ANKRD31: variants seen among roughly 807,000 people sequenced by gnomAD.
The protein encoded by ANKRD31 is ankyrin repeat domain 31.
A neutral mutation model predicts 186.0 loss-of-function variants in ANKRD31; 147 were observed. That is an observed-to-expected ratio of 0.79 (90% CI 0.69 to 0.91). ANKRD31 has a LOEUF of 0.91. Ranked by LOEUF, ANKRD31 falls within the 40% of genes least tolerant of loss-of-function variation. The pLI is 0.00. For synonymous variants in ANKRD31, 673 were observed against 736.4 expected (o/e 0.91, Z 1.39); for missense variants, 1,986 against 2,148.8 (o/e 0.92, Z 1.50).
At chr5:75,230,321 T>C (rs1245553598) in intron 2 of ANKRD31, among the ~76,000 whole-genome samples, 1 of 152,236 alleles carries the variant, frequency 6.6e-6, no homozygotes, top group Non-Finnish European at 1.5e-5. Context: ...AGCTCACATT[T>C]ATTTCAATGT....
At chr5:75,157,117 T>C (rs1283168100) in intron 11 of ANKRD31, among the ~76,000 whole-genome samples, 1 of 152,148 alleles carries the variant, frequency 6.6e-6, no homozygotes, top group South Asian at 2.1e-4. Flanking sequence ...AGGAGCATAT[T>C]AGAGAGAACC....
intron 19 of ANKRD31, among the ~76,000 whole-genome samples, chr5:75,115,462 T>G (rs1175655612): frequency 6.6e-6 from 1 of 151,336 alleles, no homozygotes. Context: ...ACCATCAGAG[T>G]GAACAGGCAA....
intron 2 of ANKRD31, among the ~76,000 whole-genome samples, chr5:75,223,729 A>T (rs1296512400): frequency 2.0e-5 from 3 of 152,180 alleles, no homozygotes; most frequent in Non-Finnish European, 4.4e-5. Flanking sequence ...TCATATGCTG[A>T]TGCCCTAACC....
At chr5:75,145,740 TAA>T (rs55908528) in intron 14 of ANKRD31, among the ~76,000 whole-genome samples, 5 of 151,682 alleles carry the variant, frequency 3.3e-5, no homozygotes, top group Admixed American at 2.0e-4. Context: ...ATAATAATTA[TAA>T]AAAAAACTAC....
intron 10 of ANKRD31, among the ~76,000 whole-genome samples, chr5:75,171,366 C>G (rs929670411): frequency 6.6e-6 from 1 of 151,804 alleles, no homozygotes; most frequent in Non-Finnish European, 1.5e-5. Flanking sequence ...CTAATATAAT[C>G]ACTGGATCAA....
chr5:75,153,171 T>C (rs1751952302), intron 12 of ANKRD31, among the ~76,000 whole-genome samples: 1 of 152,062 alleles, frequency 6.6e-6, no homozygotes, highest in Admixed American at 6.6e-5. Flanking sequence ...CCAGCAATGA[T>C]CTGAGTTTTG....
At chr5:75,188,388 G>C (rs1754876028) in intron 10 of ANKRD31, 105 bp downstream of exon 10, 1 of 1,131,340 alleles carries the variant, frequency 8.8e-7, no homozygotes, top group Non-Finnish European at 1.2e-6. Context: ...AAAGCCTTCT[G>C]TTTGGAACTT....
chr5:75,171,335 C>A (rs1027337268), intron 10 of ANKRD31, among the ~76,000 whole-genome samples: 1 of 151,856 alleles, frequency 6.6e-6, no homozygotes, highest in Non-Finnish European at 1.5e-5. Flanking sequence ...AATCCCCAAA[C>A]ATTTTAAAAT....
At chr5:75,156,308 T>C (rs1203007390) in intron 11 of ANKRD31, among the ~76,000 whole-genome samples, 1 of 152,188 alleles carries the variant, frequency 6.6e-6, no homozygotes, top group Admixed American at 6.5e-5. Flanking sequence ...TTAATCACTT[T>C]GTACTCTGAG....
chr5:75,178,204 C>A (rs192538028), intron 10 of ANKRD31, among the ~76,000 whole-genome samples: 143 of 152,298 alleles, frequency 9.4e-4, no homozygotes, highest in Middle Eastern at 3.4e-3. Context: ...TATATATGCA[C>A]CCAATACAGG....
Position 75,213,639 on chromosome 5 carries a change from C to A in ANKRD31, c.289-2774G>T, listed in dbSNP as rs557056904. Among the ~76,000 whole-genome samples, 90 of 152,254 alleles carry A rather than the reference C, an allele frequency of 5.9e-4. 1 individual carries two copies. The highest frequency in any genetic ancestry group is 2.1e-3 in the African/African-American group (86 of 41,546). The stretch of plus-strand genomic sequence containing the variant: ...TATCTTTTTAATACATGTGACTGAA[C>A]CTTCCCCTGTCTTTACCCCACTGCA... On this transcript the variant is annotated intron_variant, in intron 3 of 25. Coordinates refer to ENST00000506364, the MANE Select transcript of ANKRD31 (RefSeq NM_001372053.1).
chr5:75,236,463 G>A (rs1318854667), intron 1 of ANKRD31, 120 bp downstream of exon 1: 1 of 806,096 alleles, frequency 1.2e-6, no homozygotes, highest in Non-Finnish European at 1.9e-6. Flanking sequence ...ACAAGGCTCT[G>A]ATCCTGCCCA....
Position 75,195,939 on chromosome 5 carries a change from C to T in ANKRD31, c.709G>A (p.Glu237Lys). The change falls in exon 7 of 26, where the codon GAA becomes AAA. Residue 237 changes from glutamate (E) to lysine (K), a missense_variant. Physicochemically the swap from Glu to Lys is moderately conservative, Grantham distance 56. Transcript: ENST00000506364. The stretch of plus-strand genomic sequence containing the variant: ...TCACTTACTAATTCAAACAATCTTT[C>T]CTCCTGGGTGCTTTCTGGTGATGTA... ...LLTSPESTQE[E>K]RLFELVSDFD... 2.0e-6 allele frequency: 3 copies of T among 1,534,386 alleles called. No individual in the cohort carries two copies. Among genetic ancestry groups the T allele is most frequent in the Non-Finnish European group, 2.6e-6 (3 of 1,145,372 alleles).
intron 10 of ANKRD31, among the ~76,000 whole-genome samples, chr5:75,177,129 A>G (rs1254741002): frequency 6.6e-6 from 1 of 152,244 alleles, no homozygotes; most frequent in Non-Finnish European, 1.5e-5. Flanking sequence ...AAGAAAGGGT[A>G]TCAGCGATGG....
At chr5:75,098,013 C>A (rs1255307841) in intron 22 of ANKRD31, among the ~76,000 whole-genome samples, 2 of 151,458 alleles carry the variant, frequency 1.3e-5, no homozygotes, top group Admixed American at 6.6e-5. Context: ...TTCCATTGGT[C>A]GTCTATATCT....
At chr5:75,094,630 G>T (rs1488790474) in intron 22 of ANKRD31, among the ~76,000 whole-genome samples, 1 of 152,016 alleles carries the variant, frequency 6.6e-6, no homozygotes. Flanking sequence ...GGAACAAAAA[G>T]ATATGAGGTA....
At chr5:75,184,399 T>C (rs369182032) in intron 10 of ANKRD31, among the ~76,000 whole-genome samples, 1 of 152,100 alleles carries the variant, frequency 6.6e-6, no homozygotes, top group East Asian at 1.9e-4. Flanking sequence ...CAAATGAGAT[T>C]ACATCAAACT....
Position 75,222,376 on chromosome 5 carries a change from C to A in ANKRD31, c.179-18G>T. ...AGGCATGCCTAGAGTGAAACATAAT[C>A]ATAAATCATTTACAACAGTTTTATT... On this transcript the variant is annotated intron_variant, in intron 2 of 25. Transcript: ENST00000506364. 5 of 1,507,406 alleles carry A rather than the reference C, an allele frequency of 3.3e-6. No homozygotes were observed. Among genetic ancestry groups the A allele is most frequent in the Non-Finnish European group, 4.4e-6 (5 of 1,123,712 alleles). The allele number at this position is 1,507,406 out of a possible 1,614,324, so 93.4% of individuals were successfully genotyped here.
intron 5 of ANKRD31, 122 bp from the exon 6 acceptor site, chr5:75,199,796 T>G (rs1319579696): frequency 2.7e-6 from 1 of 372,728 alleles, no homozygotes. Context: ...ATCATATATT[T>G]TATTAATATT....
Sources: allele counts gnomAD v4.1 joint callset (sites outside exome capture counted in the v4.1 genomes callset), GRCh38; gene constraint gnomAD v4.1.1; transcripts MANE v1.5; gene names NCBI Gene and HGNC (gene_info 2026-07-23, HGNC 2026-07-21).